Variants in CMTM8 observed in about 807,000 individuals in gnomAD.
CMTM8 encodes CKLF like MARVEL transmembrane domain containing 8.
A neutral mutation model predicts 18.6 loss-of-function variants in CMTM8; 12 were observed. That is an observed-to-expected ratio of 0.65 (90% CI 0.41 to 1.05). CMTM8 has a LOEUF of 1.05. Among genes scored for constraint, CMTM8 ranks in the 50% least tolerant of loss-of-function variants. The pLI, the probability that CMTM8 is intolerant of heterozygous loss-of-function variation, is 0.00. For missense variants in CMTM8, 217 were observed against 227.2 expected (o/e 0.95, Z 0.29); for synonymous variants, 87 against 90.6 (o/e 0.96, Z 0.23).
At chr3:32,345,116 G>A (rs1696570443) in intron 1 of CMTM8, among the ~76,000 whole-genome samples, 1 of 152,142 alleles carries the variant, frequency 6.6e-6, no homozygotes, top group African/African-American at 2.4e-5. Context: ...GGCCGAGGTG[G>A]GCAGATCACT....
At chr3:32,359,577 G>A (rs2125600655) in intron 2 of CMTM8, among the ~76,000 whole-genome samples, 1 of 152,222 alleles carries the variant, frequency 6.6e-6, no homozygotes, top group South Asian at 2.1e-4. Context: ...GCGACAGAGT[G>A]AGACTCTGTC....
chr3:32,369,112 C>A (rs1197253223), intron 3 of CMTM8, among the ~76,000 whole-genome samples: 1 of 151,902 alleles, frequency 6.6e-6, no homozygotes, highest in Non-Finnish European at 1.5e-5. Flanking sequence ...AGTTCAAGGC[C>A]AGCCTGACCA....
intron 2 of CMTM8, among the ~76,000 whole-genome samples, chr3:32,360,093 C>T (rs9881840): frequency 0.033 from 4,973 of 152,278 alleles, 85 homozygotes; most frequent in East Asian, 0.098. Flanking sequence ...GCCTCCAGGT[C>T]AGGGGTTGCA....
intron 1 of CMTM8, among the ~76,000 whole-genome samples, chr3:32,316,458 T>G: frequency 6.6e-6 from 1 of 152,234 alleles, no homozygotes; most frequent in East Asian, 1.9e-4. Context: ...GTTTACACAT[T>G]GTGTCCTGAG....
At chr3:32,259,024 A>C in intron 1 of CMTM8, 1 of 347,666 alleles carries the variant, frequency 2.9e-6, no homozygotes, top group Non-Finnish European at 5.5e-6. Flanking sequence ...GCATCCAGCC[A>C]GTCAGCAGTG....
intron 1 of CMTM8, chr3:32,259,903 C>G: frequency 9.8e-7 from 1 of 1,019,906 alleles, no homozygotes; most frequent in South Asian, 1.3e-5. Flanking sequence ...GCCTGGAGAA[C>G]AGCCTGAGGG....
intron 1 of CMTM8, among the ~76,000 whole-genome samples, chr3:32,305,605 ATC>A (rs1695701736): frequency 6.6e-6 from 1 of 152,158 alleles, no homozygotes; most frequent in African/African-American, 2.4e-5. Context: ...AGCCTTAATG[ATC>A]TGAGAGGAGA....
At chr3:32,308,844 C>T (rs1345764543) in intron 1 of CMTM8, among the ~76,000 whole-genome samples, 2 of 152,170 alleles carry the variant, frequency 1.3e-5, no homozygotes, top group African/African-American at 4.8e-5. Context: ...GGTAACATCT[C>T]TAGGAACCTA....
intron 1 of CMTM8, among the ~76,000 whole-genome samples, chr3:32,289,300 A>T (rs1294592941): frequency 6.6e-6 from 1 of 152,224 alleles, no homozygotes; most frequent in African/African-American, 2.4e-5. Context: ...ATTAACCAAC[A>T]CTATGTGTGC....
intron 1 of CMTM8, among the ~76,000 whole-genome samples, chr3:32,295,850 A>T (rs541601217): frequency 6.6e-6 from 1 of 152,000 alleles, no homozygotes; most frequent in Non-Finnish European, 1.5e-5. Flanking sequence ...TGTTGCCTGG[A>T]TATCTATCCA....
chr3:32,343,448 T>C (rs1696537331), intron 1 of CMTM8, among the ~76,000 whole-genome samples: 1 of 152,102 alleles, frequency 6.6e-6, no homozygotes, highest in Non-Finnish European at 1.5e-5. Flanking sequence ...CCAGCTGGGG[T>C]GTCTGTCTCA....
rs757568188 is a variant in CMTM8, at chr3:32,357,565, G to T, written c.321+19G>T. On this transcript the variant is annotated intron_variant, in intron 2 of 3. Coordinates refer to ENST00000307526, the MANE Select transcript of CMTM8 (RefSeq NM_178868.5). ...AACAGTGGTAAGGAAGCTGTGGGTGGTGGTCTTGTCCAGTGCCCACTCGGT... is the reference window on the plus strand; with the variant it reads ...AACAGTGGTAAGGAAGCTGTGGGTGTTGGTCTTGTCCAGTGCCCACTCGGT... The T allele has an allele frequency of 6.2e-7, 1 of 1,612,952 alleles. No individual in the cohort carries two copies. The highest frequency in any genetic ancestry group is 1.1e-5 in the South Asian group (1 of 90,974).
intron 1 of CMTM8, among the ~76,000 whole-genome samples, chr3:32,345,283 G>A (rs941454977): frequency 7.9e-5 from 12 of 152,118 alleles, no homozygotes; most frequent in Non-Finnish European, 1.5e-4. Context: ...TGAGCCCAGG[G>A]AGGTTGAGGC....
At chr3:32,275,031 T>C (rs1487066748) in intron 1 of CMTM8, among the ~76,000 whole-genome samples, 1 of 152,014 alleles carries the variant, frequency 6.6e-6, no homozygotes, top group African/African-American at 2.4e-5. Flanking sequence ...AAAGACAGAG[T>C]CTCACTCAGT....
At position 32,346,421 on chromosome 3, in the gene CMTM8, A is replaced by G. The variant is rs532761283; in HGVS notation, c.148-10952A>G. 1.1e-3 allele frequency among the ~76,000 whole-genome samples: 167 copies of G among 152,322 alleles called. 1 individual carries two copies. Among genetic ancestry groups the G allele is most frequent in the Middle Eastern group, 0.01 (3 of 294 alleles). ...GCTTGGGCTGCCATAACAAAATACCATAGACTGGGTGGCTTAAACAACAGG... is the reference window on the plus strand; with the variant it reads ...GCTTGGGCTGCCATAACAAAATACCGTAGACTGGGTGGCTTAAACAACAGG... On this transcript the variant is annotated intron_variant, in intron 1 of 3. Coordinates refer to ENST00000307526, the MANE Select transcript of CMTM8 (RefSeq NM_178868.5).
intron 1 of CMTM8, among the ~76,000 whole-genome samples, chr3:32,317,283 T>A (rs940223751): frequency 6.6e-6 from 1 of 152,250 alleles, no homozygotes; most frequent in African/African-American, 2.4e-5. Context: ...TTATTTTTTA[T>A]ATAAATACTT....
chr3:32,331,834 A>C (rs966126283), intron 1 of CMTM8, among the ~76,000 whole-genome samples: 1 of 152,222 alleles, frequency 6.6e-6, no homozygotes, highest in African/African-American at 2.4e-5. Context: ...AAAGTAATCA[A>C]ACTCCTAGAA....
At chr3:32,365,691 C>T (rs774666390) in intron 2 of CMTM8, among the ~76,000 whole-genome samples, 4 of 152,212 alleles carry the variant, frequency 2.6e-5, no homozygotes, top group Non-Finnish European at 5.9e-5. Flanking sequence ...AGGTGATCTA[C>T]TCGCCTCGGC....
chr3:32,295,387 C>T (rs572495704), intron 1 of CMTM8, among the ~76,000 whole-genome samples: 30 of 133,078 alleles, frequency 2.3e-4, no homozygotes, highest in African/African-American at 8.4e-4. Context: ...ATCCAGGAGG[C>T]GGAGGTTGCA....
Sources: gnomAD v4.1 joint callset for allele counts (sites outside exome capture counted in the v4.1 genomes callset) on GRCh38, gnomAD v4.1.1 for gene constraint, MANE v1.5 for transcripts, NCBI Gene and HGNC (gene_info 2026-07-23, HGNC 2026-07-21) for gene names.